DNM3: variants seen among roughly 807,000 people sequenced by gnomAD.
The protein encoded by DNM3 is dynamin 3, also known as dynamin-3.
DNM3 carries 47 observed loss-of-function variants against 101.6 expected under a neutral mutation model. That is an observed-to-expected ratio of 0.46 (90% CI 0.37 to 0.59). The LOEUF is 0.59. DNM3 is among the 20% of genes least tolerant of loss of function. The pLI is 0.00. For missense variants in DNM3, 849 were observed against 1,085.7 expected (o/e 0.78, Z 3.06); for synonymous variants, 385 against 387.9 (o/e 0.99, Z 0.09).
chr1:171,879,934 A>G (rs989473607), intron 1 of DNM3, among the ~76,000 whole-genome samples: 2 of 152,232 alleles, frequency 1.3e-5, no homozygotes, highest in Admixed American at 1.3e-4. Context: ...TTCAAGTTTT[A>G]TGGAAGTGGC....
chr1:172,105,553 T>C (rs550027695), intron 13 of DNM3, among the ~76,000 whole-genome samples: 6 of 152,334 alleles, frequency 3.9e-5, no homozygotes, highest in East Asian at 1.9e-4. Flanking sequence ...TTTTTCCTTT[T>C]ATTATTCTTT....
chr1:172,213,517 CAA>C (rs57339395), intron 14 of DNM3, among the ~76,000 whole-genome samples: 2,981 of 79,274 alleles, frequency 0.038, 68 homozygotes, highest in African/African-American at 0.12. Context: ...TCCATTGTTA[CAA>C]AAAAAAAAAA....
At chr1:171,847,148 G>A (rs1571222964) in intron 1 of DNM3, among the ~76,000 whole-genome samples, 1 of 152,284 alleles carries the variant, frequency 6.6e-6, no homozygotes. Flanking sequence ...AGAAGCTTAT[G>A]TATGTATAAA....
At chr1:172,232,603 C>T (rs1403382784) in intron 14 of DNM3, among the ~76,000 whole-genome samples, 4 of 152,188 alleles carry the variant, frequency 2.6e-5, no homozygotes. Context: ...CAGCACCACA[C>T]CACACTTGTT....
intron 4 of DNM3, among the ~76,000 whole-genome samples, chr1:172,006,749 T>G (rs972142027): frequency 6.6e-6 from 1 of 152,068 alleles, no homozygotes; most frequent in African/African-American, 2.4e-5. Flanking sequence ...TGTCAACCCA[T>G]GTACCAGAAC....
At chr1:172,188,584 G>C (rs933423138) in intron 14 of DNM3, among the ~76,000 whole-genome samples, 3 of 152,020 alleles carry the variant, frequency 2.0e-5, no homozygotes, top group Non-Finnish European at 2.9e-5. Flanking sequence ...CCCATAGAGG[G>C]ACATCTTGGC....
chr1:172,352,106 A>G (rs1432404124), intron 17 of DNM3, among the ~76,000 whole-genome samples: 3 of 152,188 alleles, frequency 2.0e-5, no homozygotes, highest in East Asian at 3.9e-4. Context: ...ACTGGACTTC[A>G]TTCCACTGGA....
chr1:172,245,757 C>G (rs548143335), intron 14 of DNM3, among the ~76,000 whole-genome samples: 1 of 152,226 alleles, frequency 6.6e-6, no homozygotes, highest in Non-Finnish European at 1.5e-5. Flanking sequence ...CAGAGTCCTG[C>G]CACTGTGGGA....
intron 1 of DNM3, among the ~76,000 whole-genome samples, chr1:171,874,151 G>A (rs2035550684): frequency 6.6e-5 from 10 of 151,976 alleles, no homozygotes; most frequent in Admixed American, 6.6e-4. Flanking sequence ...TTTTAAAATT[G>A]GATATCACAT....
rs1403598252 is a variant in DNM3, at chr1:172,411,772, T to C, written c.*3931T>C. 3.0e-6 allele frequency: 3 copies of C among 985,366 alleles called. No homozygotes were observed. The highest frequency in any genetic ancestry group is 3.5e-5 in the African/African-American group (2 of 57,226). The allele number at this position is 985,366 out of a possible 1,614,324, so 61.0% of individuals were successfully genotyped here. A position where few individuals can be genotyped will look rare whatever the true frequency, so the allele number is the denominator to read the frequency against. ...CTGTTGAACTCATGAAAGAAGATAG[T>C]GTATGAGACTTAAGCCATGAGTTTT... On this transcript the variant is annotated 3_prime_UTR_variant, in exon 21 of 21. Coordinates refer to ENST00000627582, the MANE Select transcript of DNM3 (RefSeq NM_015569.5).
chr1:171,999,938 C>T (rs188350377), intron 4 of DNM3, among the ~76,000 whole-genome samples: 54 of 152,092 alleles, frequency 3.6e-4, no homozygotes, highest in Middle Eastern at 3.4e-3. Context: ...ATGACACTAC[C>T]GACAGCTGGA....
chr1:172,192,788 TG>T (rs2059784405), intron 14 of DNM3, among the ~76,000 whole-genome samples: 1 of 151,810 alleles, frequency 6.6e-6, no homozygotes, highest in Admixed American at 6.6e-5. Flanking sequence ...GTTGGACATT[TG>T]GGTTGGTTCC....
chr1:171,852,359 G>A (rs1463516497), intron 1 of DNM3, among the ~76,000 whole-genome samples: 2 of 152,218 alleles, frequency 1.3e-5, no homozygotes, highest in Non-Finnish European at 2.9e-5. Context: ...GAAAGGACAT[G>A]TTTGAAAATT....
intron 13 of DNM3, among the ~76,000 whole-genome samples, chr1:172,093,223 G>A (rs995844799): frequency 1.3e-5 from 2 of 152,136 alleles, no homozygotes; most frequent in African/African-American, 2.4e-5. Context: ...GTGAGTAGTT[G>A]CATGAGCTTT....
intron 2 of DNM3, among the ~76,000 whole-genome samples, chr1:171,983,245 A>G (rs974131053): frequency 6.6e-6 from 1 of 152,004 alleles, no homozygotes; most frequent in African/African-American, 2.4e-5. Context: ...ACTTGAGGCC[A>G]AGAGGTCGAG....
At chr1:172,108,309 C>T (rs1468999872) in intron 13 of DNM3, among the ~76,000 whole-genome samples, 1 of 151,898 alleles carries the variant, frequency 6.6e-6, no homozygotes, top group Admixed American at 6.6e-5. Context: ...TTTTTTCCCT[C>T]AGACATTTGC....
chr1:172,091,623 G>A (rs12119190), intron 12 of DNM3, among the ~76,000 whole-genome samples: 40,958 of 152,072 alleles, frequency 0.27, 5,934 homozygotes, highest in East Asian at 0.46. Flanking sequence ...GGAACAAGGT[G>A]AAGGGTAGGA....
At position 172,027,585 on chromosome 1, in the gene DNM3, A is replaced by AACACACACAC. The variant is rs61620821; in HGVS notation, c.590-4793_590-4784dup. On this transcript the variant is annotated intron_variant, in intron 4 of 20. Coordinates refer to ENST00000627582, the MANE Select transcript of DNM3 (RefSeq NM_015569.5). ...GACAGAGCAAGACTCTGTCTCAAGA[A>AACACACACAC]ACACACACACACACACACACACACA... Among the ~76,000 whole-genome samples the AACACACACAC allele has an allele frequency of 1.5e-3, 218 of 141,504 alleles. 1 individual carries two copies. The highest frequency in any genetic ancestry group is 4.3e-3 in the African/African-American group (166 of 38,296). 92.8% of individuals were successfully genotyped at this position (141,504 alleles called of 152,430 possible).
intron 4 of DNM3, among the ~76,000 whole-genome samples, chr1:172,030,437 C>A (rs934064789): frequency 1.9e-4 from 29 of 152,056 alleles, no homozygotes; most frequent in African/African-American, 7.0e-4. Flanking sequence ...AATGTAAGAC[C>A]CAAAACCATA....
Sources: gnomAD v4.1 joint callset for allele counts (sites outside exome capture counted in the v4.1 genomes callset) on GRCh38, gnomAD v4.1.1 for gene constraint, MANE v1.5 for transcripts, NCBI Gene and HGNC (gene_info 2026-07-23, HGNC 2026-07-21) for gene names.